Variants in CHCT1 observed in about 807,000 individuals in gnomAD.
CHCT1 encodes CHD1 helical C-terminal domain containing protein 1.
At chr17:60,426,788 ACCAAGAGCAG>A in the CHCT1 span, 1 of 1,608,766 alleles carries the variant, frequency 6.2e-7, no homozygotes, top group Non-Finnish European at 8.5e-7. Context: ...TTACAAGTAC[ACCAAGAGCAG>A]CCAGCCGGCC....
chr17:60,429,542 G>A, the CHCT1 span: 9 of 1,614,096 alleles, frequency 5.6e-6, 1 homozygote, highest in East Asian at 2.0e-4. Flanking sequence ...AAGATCCCAG[G>A]ACCATGTCAA....
At chr17:60,422,498 A>C in the CHCT1 span, 2 of 1,538,384 alleles carry the variant, frequency 1.3e-6, no homozygotes, top group Non-Finnish European at 1.8e-6. Flanking sequence ...CAAACCGCCC[A>C]CTCCCTGAGA....
chr17:60,424,798 G>A, the CHCT1 span, among the ~76,000 whole-genome samples: 6 of 150,826 alleles, frequency 4.0e-5, no homozygotes, highest in Admixed American at 1.3e-4. Context: ...GCTTGAACCC[G>A]GGAGGCCAAG....
chr17:60,426,918 G>A, the CHCT1 span: 1 of 1,525,562 alleles, frequency 6.6e-7, no homozygotes, highest in Non-Finnish European at 8.8e-7. Flanking sequence ...AGCCCCTCTG[G>A]TCCTTCCCAG....
At chr17:60,421,826 C>T in the CHCT1 span, 13 of 983,596 alleles carry the variant, frequency 1.3e-5, no homozygotes, top group Non-Finnish European at 1.6e-5. Context: ...TTCGCCGACA[C>T]CCGGCTCCCC....
the CHCT1 span, chr17:60,422,013 T>C: frequency 3.3e-6 from 3 of 908,182 alleles, no homozygotes; most frequent in African/African-American, 1.9e-5. Context: ...TCCCACCCAG[T>C]ACCCAGCACC....
chr17:60,426,236 A>T, the CHCT1 span: 233 of 1,551,948 alleles, frequency 1.5e-4, no homozygotes, highest in East Asian at 4.1e-3. Context: ...CCAGAAGAAG[A>T]AGCTGAAGTA....
the CHCT1 span, chr17:60,421,560 A>G: frequency 3.0e-6 from 3 of 985,370 alleles, no homozygotes; most frequent in African/African-American, 3.5e-5. Flanking sequence ...TCCTAGTTTC[A>G]GGGAAGAAAA....
chr17:60,429,468 G>A, the CHCT1 span: 1 of 1,614,260 alleles, frequency 6.2e-7, no homozygotes, highest in Non-Finnish European at 8.5e-7. Context: ...AACATCAGCG[G>A]CATGAAGGAG....
At chr17:60,421,284 C>T in the CHCT1 span, 10 of 833,798 alleles carry the variant, frequency 1.2e-5, no homozygotes, top group South Asian at 5.0e-4. Flanking sequence ...AAGACGTTTG[C>T]TGAACATGCT....
chr17:60,422,439 C>T, the CHCT1 span: 1 of 1,501,210 alleles, frequency 6.7e-7, no homozygotes, highest in Non-Finnish European at 8.9e-7. Flanking sequence ...GGGTGGGGGG[C>T]TGGGTTCTGT....
chr17:60,422,558 G>A, the CHCT1 span: 1 of 1,549,626 alleles, frequency 6.5e-7, no homozygotes, highest in South Asian at 1.2e-5. Flanking sequence ...GACGTGGGGA[G>A]TGCCACCCTG....
At chr17:60,430,103 G>A in the CHCT1 span, among the ~76,000 whole-genome samples, 1 of 146,994 alleles carries the variant, frequency 6.8e-6, no homozygotes, top group Admixed American at 6.8e-5. Flanking sequence ...GGGATTACAG[G>A]TGTGAGCCAC....
the CHCT1 span, chr17:60,425,993 T>A: frequency 7.8e-7 from 1 of 1,279,158 alleles, no homozygotes; most frequent in Non-Finnish European, 1.1e-6. Context: ...CCACTTGTCT[T>A]ACTCTTGGTA....
chr17:60,426,549 A>G, the CHCT1 span: 1 of 1,138,658 alleles, frequency 8.8e-7, no homozygotes, highest in Non-Finnish European at 1.2e-6. Context: ...CAATACCAGG[A>G]TAGGATATTC....
At chr17:60,424,001 G>A in the CHCT1 span, among the ~76,000 whole-genome samples, 1 of 152,228 alleles carries the variant, frequency 6.6e-6, no homozygotes. Context: ...AAGCTTACAA[G>A]CATGACAGAA....
the CHCT1 span, chr17:60,426,676 G>A: frequency 8.2e-6 from 13 of 1,582,996 alleles, no homozygotes; most frequent in South Asian, 9.2e-5. Flanking sequence ...GGGAGGAAGC[G>A]CTGTGCTCCA....
the CHCT1 span, among the ~76,000 whole-genome samples, chr17:60,422,845 C>T: frequency 5.9e-5 from 9 of 152,052 alleles, no homozygotes; most frequent in Non-Finnish European, 1.0e-4. Flanking sequence ...GGGAAGAGGT[C>T]GCCTCTCATT....
chr17:60,431,292 G>A, the CHCT1 span: 32 of 1,515,692 alleles, frequency 2.1e-5, no homozygotes, highest in Middle Eastern at 1.7e-4. Context: ...CAAAGGGCCC[G>A]CTTGTCCTGG....
Sources: allele counts gnomAD v4.1 joint callset (sites outside exome capture counted in the v4.1 genomes callset), GRCh38; gene constraint gnomAD v4.1.1; transcripts MANE v1.5; gene names NCBI Gene and HGNC (gene_info 2026-07-23, HGNC 2026-07-21).